CASR: variants seen among roughly 807,000 people sequenced by gnomAD.
CASR encodes calcium sensing receptor, also known as extracellular calcium-sensing receptor.
CASR carries 23 observed loss-of-function variants against 69.1 expected under a neutral mutation model. That is an observed-to-expected ratio of 0.33 (90% CI 0.24 to 0.47). CASR has a LOEUF of 0.47. Ranked by LOEUF, CASR falls within the 20% of genes least tolerant of loss-of-function variation. The probability of loss-of-function intolerance (pLI) is 1.00; values close to 1 mark genes in which losing one functional copy is unlikely to be tolerated. For synonymous variants in CASR, 541 were observed against 544.7 expected (o/e 0.99, Z 0.10); for missense variants, 924 against 1,356.1 (o/e 0.68, Z 5.00).
In CASR at chr3:122,284,391, A is replaced by G. The variant is rs746541034; in HGVS notation, c.2437A>G (p.Ile813Val). Residue 813 changes from isoleucine (I) to valine (V), a missense_variant, in exon 7 of 7, where the codon ATC (isoleucine) becomes GTC (valine). Coordinates refer to ENST00000639785, the MANE Select transcript of CASR (RefSeq NM_000388.4). ...EAKFITFSML[I>V]FFIVWISFIP... The stretch of plus-strand genomic sequence containing the variant: ...CAAGTTCATCACCTTCAGCATGCTC[A>G]TCTTCTTCATCGTCTGGATCTCCTT... 23 of 1,613,888 alleles carry G rather than the reference A, an allele frequency of 1.4e-5. No individual in the cohort carries two copies. The highest frequency in any genetic ancestry group is 1.9e-5 in the Non-Finnish European group (22 of 1,180,026).
intron 1 of CASR, among the ~76,000 whole-genome samples, chr3:122,237,311 T>C (rs2074338111): frequency 6.6e-6 from 1 of 152,114 alleles, no homozygotes; most frequent in Admixed American, 6.5e-5. Flanking sequence ...AGTTTCATCA[T>C]GTTGGCCAGG....
chr3:122,194,518 A>T (rs2073869938), intron 1 of CASR, among the ~76,000 whole-genome samples: 1 of 152,086 alleles, frequency 6.6e-6, no homozygotes, highest in South Asian at 2.1e-4. Flanking sequence ...AGGCAAAAAA[A>T]ATAGGCCAGG....
chr3:122,267,818 T>C (rs984048882), intron 4 of CASR, among the ~76,000 whole-genome samples: 1 of 152,226 alleles, frequency 6.6e-6, no homozygotes, highest in Non-Finnish European at 1.5e-5. Flanking sequence ...GGTGGGGAAG[T>C]CCTGGCTACT....
intron 1 of CASR, among the ~76,000 whole-genome samples, chr3:122,212,203 A>C (rs2074074993): frequency 1.3e-5 from 2 of 152,200 alleles, no homozygotes; most frequent in Admixed American, 1.3e-4. Context: ...TGTGGTACAT[A>C]TACACCATGG....
intron 3 of CASR, chr3:122,257,670 C>G: frequency 3.0e-6 from 1 of 335,326 alleles, no homozygotes; most frequent in Non-Finnish European, 5.5e-6. Context: ...ATTTCCCACT[C>G]TATTCCTTTA....
intron 1 of CASR, among the ~76,000 whole-genome samples, chr3:122,235,531 G>C (rs1434300419): frequency 3.9e-5 from 6 of 152,214 alleles, no homozygotes; most frequent in Non-Finnish European, 7.3e-5. Flanking sequence ...GGAAACTGTT[G>C]TGTATCCATT....
chr3:122,248,709 C>T (rs1410711218), intron 1 of CASR, among the ~76,000 whole-genome samples: 3 of 151,652 alleles, frequency 2.0e-5, no homozygotes, highest in Admixed American at 1.3e-4. Context: ...AAGGTCTGCG[C>T]CTGGGTTTTC....
At chr3:122,222,400 GA>G (rs982334806) in intron 1 of CASR, among the ~76,000 whole-genome samples, 16 of 150,678 alleles carry the variant, frequency 1.1e-4, no homozygotes, top group South Asian at 4.2e-4. Flanking sequence ...ATTTATTAGA[GA>G]AAAAAAAATT....
At chr3:122,201,618 C>T (rs1355130832) in intron 1 of CASR, among the ~76,000 whole-genome samples, 1 of 141,988 alleles carries the variant, frequency 7.0e-6, no homozygotes, top group Non-Finnish European at 1.5e-5. Context: ...GGGCGGCTGG[C>T]CGGGCGGGGG....
chr3:122,219,460 G>C (rs561108088), intron 1 of CASR, among the ~76,000 whole-genome samples: 1 of 152,290 alleles, frequency 6.6e-6, no homozygotes, highest in East Asian at 1.9e-4. Context: ...AGGGTTCAGG[G>C]ACCAAACCCA....
At chr3:122,213,225 G>T (rs2074085845) in intron 1 of CASR, among the ~76,000 whole-genome samples, 1 of 152,076 alleles carries the variant, frequency 6.6e-6, no homozygotes, top group African/African-American at 2.4e-5. Flanking sequence ...CCTCATTGTT[G>T]GAAGAAGGAC....
intron 1 of CASR, among the ~76,000 whole-genome samples, chr3:122,250,158 G>A (rs1044685886): frequency 1.3e-5 from 2 of 152,158 alleles, no homozygotes; most frequent in African/African-American, 2.4e-5. Flanking sequence ...GGAGAAGGCA[G>A]AGTGGGAAGC....
chr3:122,189,660 C>A (rs1375083070), intron 1 of CASR, among the ~76,000 whole-genome samples: 2 of 152,132 alleles, frequency 1.3e-5, no homozygotes, highest in East Asian at 3.8e-4. Context: ...AAATTACTAA[C>A]AAATAGAAAA....
chr3:122,201,255 G>A (rs998654229), intron 1 of CASR, among the ~76,000 whole-genome samples: 2 of 152,052 alleles, frequency 1.3e-5, no homozygotes, highest in African/African-American at 2.4e-5. Flanking sequence ...ATCTTGTACC[G>A]CCCTTAATCC....
intron 1 of CASR, among the ~76,000 whole-genome samples, chr3:122,243,880 A>G (rs527627508): frequency 6.6e-6 from 1 of 152,278 alleles, no homozygotes; most frequent in African/African-American, 2.4e-5. Context: ...ATTTGCAGCA[A>G]CATGAATGGA....
Position 122,284,967 on chromosome 3 carries a change from G to C in CASR, c.3013G>C (p.Asp1005His), listed in dbSNP as rs201990892. The C allele has an allele frequency of 1.2e-6, 2 of 1,614,178 alleles. No individual in the cohort carries two copies. The highest frequency in any genetic ancestry group is 1.7e-6 in the Non-Finnish European group (2 of 1,180,036). The change falls in exon 7 of 7, where the codon GAT (aspartate) becomes CAT (histidine). Residue 1005 changes from aspartate to histidine, a missense_variant. Asp to His is a moderately conservative substitution (Grantham distance 81). Coordinates refer to ENST00000639785, the MANE Select transcript of CASR (RefSeq NM_000388.4). The part of the protein sequence containing the change: ...QNSLEAQKSS[D>H]TLTRHEPLLP... ...CTCCCTGGAGGCCCAGAAAAGCAGCGATACGCTGACCCGACACGAGCCATT... is the reference window on the plus strand; with the variant it reads ...CTCCCTGGAGGCCCAGAAAAGCAGCCATACGCTGACCCGACACGAGCCATT...
chr3:122,284,840 C>T lies in CASR; in HGVS notation c.2886C>T (p.Cys962=). 1 of 1,614,198 alleles carries T rather than the reference C, an allele frequency of 6.2e-7. No homozygotes were observed. Among genetic ancestry groups the T allele is most frequent in the Non-Finnish European group, 8.5e-7 (1 of 1,180,022 alleles). ...AACGATCTCAGCAGCAGCCCAGATG[C>T]AAGCAGAAGGTCATCTTTGGCAGCG... The part of the protein sequence containing the change: ...QQQRSQQQPR[C]KQKVIFGSGT... The change falls in exon 7 of 7, where the codon TGC becomes TGT. Residue 962 remains cysteine (C), a synonymous_variant. Coordinates refer to ENST00000639785, the MANE Select transcript of CASR (RefSeq NM_000388.4).
At chr3:122,188,060 T>A (rs2073803986) in intron 1 of CASR, among the ~76,000 whole-genome samples, 1 of 152,208 alleles carries the variant, frequency 6.6e-6, no homozygotes, top group Non-Finnish European at 1.5e-5. Context: ...ATTCATTATT[T>A]ATTCTAGGGC....
intron 1 of CASR, among the ~76,000 whole-genome samples, chr3:122,202,452 A>G (rs954765464): frequency 2.1e-4 from 32 of 150,578 alleles, no homozygotes; most frequent in Non-Finnish European, 1.6e-4. Context: ...GGAGAGGGAG[A>G]CCATGGGGAG....
Sources: gnomAD v4.1 joint callset for allele counts (sites outside exome capture counted in the v4.1 genomes callset) on GRCh38, gnomAD v4.1.1 for gene constraint, MANE v1.5 for transcripts, NCBI Gene and HGNC (gene_info 2026-07-23, HGNC 2026-07-21) for gene names.